Variants in LOC400499 observed in about 807,000 individuals in gnomAD.
the LOC400499 span, among the ~76,000 whole-genome samples, chr16:11,464,863 C>T: frequency 6.6e-6 from 1 of 152,190 alleles, no homozygotes; most frequent in South Asian, 2.1e-4. Context: ...ATTTAGCAAA[C>T]AACTAGAAGT....
At chr16:11,520,428 G>A in the LOC400499 span, among the ~76,000 whole-genome samples, 5 of 152,104 alleles carry the variant, frequency 3.3e-5, no homozygotes, top group African/African-American at 9.7e-5. Context: ...AGGCCGAGGT[G>A]GGCAGATCAC....
chr16:11,475,305 T>C, the LOC400499 span, among the ~76,000 whole-genome samples: 4 of 152,154 alleles, frequency 2.6e-5, no homozygotes, highest in African/African-American at 9.7e-5. Flanking sequence ...GTTCTGCACA[T>C]GTATCCCAGA....
chr16:11,524,845 C>T, the LOC400499 span, among the ~76,000 whole-genome samples: 2 of 152,142 alleles, frequency 1.3e-5, no homozygotes, highest in Non-Finnish European at 2.9e-5. Context: ...CAGGCATCAC[C>T]CGTGCCCTCC....
chr16:11,504,575 G>C, the LOC400499 span, among the ~76,000 whole-genome samples: 2 of 151,758 alleles, frequency 1.3e-5, no homozygotes, highest in African/African-American at 4.8e-5. Context: ...AAAAAAGACG[G>C]ATACGTAGGT....
At chr16:11,457,555 T>C in the LOC400499 span, among the ~76,000 whole-genome samples, 1 of 142,358 alleles carries the variant, frequency 7.0e-6, no homozygotes, top group Admixed American at 7.4e-5. Flanking sequence ...ATCGCACCAC[T>C]GCACTCCAGC....
the LOC400499 span, among the ~76,000 whole-genome samples, chr16:11,476,306 G>T: frequency 6.6e-6 from 1 of 152,020 alleles, no homozygotes; most frequent in South Asian, 2.1e-4. Flanking sequence ...CCCTCTCCAA[G>T]AGTCACCTCC....
At chr16:11,471,521 G>T in the LOC400499 span, 2 of 398,432 alleles carry the variant, frequency 5.0e-6, no homozygotes, top group Non-Finnish European at 8.8e-6. Context: ...ACGTCCAGAA[G>T]AAACCTACAG....
chr16:11,393,340 C>T, the LOC400499 span: 17 of 1,225,370 alleles, frequency 1.4e-5, no homozygotes, highest in Non-Finnish European at 1.7e-5. Context: ...TTTCTTGAGC[C>T]AACAGGGGCC....
the LOC400499 span, among the ~76,000 whole-genome samples, chr16:11,463,408 G>A: frequency 6.7e-6 from 1 of 149,626 alleles, no homozygotes; most frequent in Non-Finnish European, 1.5e-5. Context: ...GTGTGTGGAT[G>A]TGTGTACAGA....
At chr16:11,511,833 C>G in the LOC400499 span, among the ~76,000 whole-genome samples, 2 of 152,066 alleles carry the variant, frequency 1.3e-5, no homozygotes, top group African/African-American at 4.8e-5. Flanking sequence ...TTGAGACCAG[C>G]CTGGGCAACA....
At chr16:11,384,500 C>G in the LOC400499 span, among the ~76,000 whole-genome samples, 2 of 152,306 alleles carry the variant, frequency 1.3e-5, no homozygotes, top group East Asian at 3.9e-4. Flanking sequence ...TGTAAACCCT[C>G]ATCAGAGGAG....
the LOC400499 span, among the ~76,000 whole-genome samples, chr16:11,496,181 C>T: frequency 2.0e-5 from 3 of 152,060 alleles, no homozygotes; most frequent in African/African-American, 4.8e-5. Flanking sequence ...ATTCTCCTGC[C>T]TCATCTTCCT....
chr16:11,399,702 C>G, the LOC400499 span: 3 of 398,978 alleles, frequency 7.5e-6, no homozygotes, highest in Non-Finnish European at 1.3e-5. Flanking sequence ...CCCCACATAC[C>G]TGCCCCGGGG....
At chr16:11,404,316 T>A in the LOC400499 span, among the ~76,000 whole-genome samples, 2 of 152,188 alleles carry the variant, frequency 1.3e-5, no homozygotes, top group African/African-American at 4.8e-5. Flanking sequence ...GATGGACCCC[T>A]GGTGCCTAGA....
chr16:11,404,941 C>T, the LOC400499 span: 6 of 398,442 alleles, frequency 1.5e-5, no homozygotes, highest in African/African-American at 8.2e-5. Context: ...GAGAAGCTTG[C>T]AGAGGAGGAA....
the LOC400499 span, among the ~76,000 whole-genome samples, chr16:11,439,947 C>T: frequency 1.3e-5 from 2 of 152,060 alleles, no homozygotes; most frequent in African/African-American, 4.8e-5. Flanking sequence ...CAGTGCTTTG[C>T]TGGGTTGCTG....
chr16:11,422,406 G>T, the LOC400499 span, among the ~76,000 whole-genome samples: 1 of 151,788 alleles, frequency 6.6e-6, no homozygotes, highest in Non-Finnish European at 1.5e-5. Context: ...TCTCAGAAAA[G>T]GAAAGGAATG....
chr16:11,408,876 A>T, the LOC400499 span, among the ~76,000 whole-genome samples: 1 of 152,096 alleles, frequency 6.6e-6, no homozygotes, highest in Non-Finnish European at 1.5e-5. Flanking sequence ...CTATGTGATT[A>T]TGTGAAATAA....
At chr16:11,411,697 A>G in the LOC400499 span, among the ~76,000 whole-genome samples, 1 of 151,968 alleles carries the variant, frequency 6.6e-6, no homozygotes, top group East Asian at 1.9e-4. Context: ...TGAGTCCATC[A>G]ATGAGCTTTC....
Sources: allele counts gnomAD v4.1 joint callset (sites outside exome capture counted in the v4.1 genomes callset), GRCh38; gene constraint gnomAD v4.1.1; transcripts MANE v1.5.